APPL1: variants seen among roughly 807,000 people sequenced by gnomAD.
APPL1 encodes the protein adaptor protein, phosphotyrosine interacting with PH domain and leucine zipper 1.
APPL1 carries 42 observed loss-of-function variants against 106.8 expected under a neutral mutation model. That is an observed-to-expected ratio of 0.39 (90% CI 0.31 to 0.51). The LOEUF (loss-of-function observed/expected upper bound fraction) is 0.51. Ranked by LOEUF, APPL1 falls within the 20% of genes least tolerant of loss-of-function variation. The pLI is 0.75. For synonymous variants in APPL1, 263 were observed against 281.8 expected (o/e 0.93, Z 0.67); for missense variants, 769 against 858.2 (o/e 0.90, Z 1.30).
chr3:57,246,936 G>T (rs2060776967), intron 8 of APPL1, among the ~76,000 whole-genome samples: 1 of 150,550 alleles, frequency 6.6e-6, no homozygotes, highest in Non-Finnish European at 1.5e-5. Context: ...CTAGGAGGCT[G>T]AGGCTGCAGT....
At chr3:57,236,006 T>G (rs1035389192) in intron 2 of APPL1, among the ~76,000 whole-genome samples, 1 of 151,722 alleles carries the variant, frequency 6.6e-6, no homozygotes, top group African/African-American at 2.4e-5. Flanking sequence ...TCCCTAATCA[T>G]GCTTATTACA....
chr3:57,253,788 T>A (rs1441867028), intron 13 of APPL1, 50 bp downstream of exon 13: 16 of 1,353,990 alleles, frequency 1.2e-5, no homozygotes, highest in Non-Finnish European at 1.4e-5. Flanking sequence ...TGAGTAATTT[T>A]GTGGCTTACA....
At position 57,227,946 on chromosome 3, in the gene APPL1, C is replaced by A; in HGVS notation, c.54+9C>A. 1 of 1,432,894 alleles carries A rather than the reference C, an allele frequency of 7.0e-7. No homozygotes were observed. The highest frequency in any genetic ancestry group is 9.2e-7 in the Non-Finnish European group (1 of 1,084,362). The allele number at this position is 1,432,894 out of a possible 1,614,324, so 88.8% of individuals were successfully genotyped here. ...TGGAGGACAGCCCGCAGGTGAGGCG[C>A]GGGAGCTGGTGGGCGACGAGGGAGA... On this transcript the variant is annotated intron_variant, in intron 1 of 21. Transcript: ENST00000288266.
Position 57,257,000 on chromosome 3 carries a change from C to G in APPL1, c.1196C>G (p.Thr399Ser). 6.2e-7 allele frequency: 1 copy of G among 1,614,176 alleles called. No homozygotes were observed. Among genetic ancestry groups the G allele is most frequent in the South Asian group, 1.1e-5 (1 of 91,080 alleles). The part of the protein sequence containing the change: ...RVNQSALEAV[T>S]PSPSFQQRHE... ...AATCAATCAGCTCTGGAAGCTGTCA[C>G]TCCTTCCCCATCTTTCCAGCAGAGG... Residue 399 changes from threonine to serine, a missense_variant, in exon 14 of 22, where the codon ACT becomes AGT. Physicochemically the swap from Thr to Ser is moderately conservative, Grantham distance 58. Transcript: ENST00000288266.
At chr3:57,245,420 A>G (rs1484093388) in intron 7 of APPL1, among the ~76,000 whole-genome samples, 2 of 152,188 alleles carry the variant, frequency 1.3e-5, no homozygotes, top group East Asian at 3.8e-4. Context: ...TCAAAGTCAA[A>G]GACTAATGAC....
rs1013203882 is a variant in APPL1, at chr3:57,271,403, G to A, written c.*1716G>A. The A allele has an allele frequency of 2.0e-5, 3 of 152,582 alleles. No individual in the cohort carries two copies. The highest frequency in any genetic ancestry group is 7.2e-5 in the African/African-American group (3 of 41,444). 9.5% of individuals were successfully genotyped at this position (152,582 alleles called of 1,614,324 possible). On this transcript the variant is annotated 3_prime_UTR_variant, in exon 22 of 22. Transcript: ENST00000288266. ...ACTTTTGATAAAAAGTTTATTTTGT[G>A]CTTACCAAAAGGAATGCTTTCACAA...
chr3:57,265,828 T>C (rs2060891870), intron 19 of APPL1, among the ~76,000 whole-genome samples: 2 of 152,212 alleles, frequency 1.3e-5, no homozygotes, highest in African/African-American at 4.8e-5. Context: ...TAGCTGTGAG[T>C]CTGTCATATA....
Position 57,273,087 on chromosome 3 carries a change from A to G in APPL1, c.*3400A>G, listed in dbSNP as rs2060956709. On this transcript the variant is annotated 3_prime_UTR_variant, in exon 22 of 22. Coordinates refer to ENST00000288266, the MANE Select transcript of APPL1 (RefSeq NM_012096.3). ...CATAAAGATTTGAAACTGGAACTAT[A>G]TTATACTTTTTAACCAATCTCTGTG... 1 of 152,618 alleles carries G rather than the reference A, an allele frequency of 6.6e-6. No homozygotes were observed. Among genetic ancestry groups the G allele is most frequent in the Admixed American group, 6.5e-5 (1 of 15,284 alleles). 9.5% of individuals were successfully genotyped at this position (152,618 alleles called of 1,614,324 possible).
rs140757143 is a variant in APPL1, at chr3:57,273,277, G to A, written c.*3590G>A. 1 of 152,684 alleles carries A rather than the reference G, an allele frequency of 6.5e-6. No homozygotes were observed. The highest frequency in any genetic ancestry group is 1.5e-5 in the Non-Finnish European group (1 of 67,992). 9.5% of individuals were successfully genotyped at this position (152,684 alleles called of 1,614,324 possible). ...AGTGTACAATTCAAAATCATGCAATGTTTCACTTTAGAATTGGATTTGAAG... is the reference window on the plus strand; with the variant it reads ...AGTGTACAATTCAAAATCATGCAATATTTCACTTTAGAATTGGATTTGAAG... On this transcript the variant is annotated 3_prime_UTR_variant, in exon 22 of 22. Coordinates refer to ENST00000288266, the MANE Select transcript of APPL1 (RefSeq NM_012096.3).
Position 57,249,412 on chromosome 3 carries a change from G to A in APPL1, c.916G>A (p.Gly306Ser). The A allele has an allele frequency of 6.2e-7, 1 of 1,614,138 alleles. No homozygotes were observed. Among genetic ancestry groups the A allele is most frequent in the Non-Finnish European group, 8.5e-7 (1 of 1,180,030 alleles). Reference protein sequence around the residue: ...TWDRQFYFTQGGNLMSQARGD... With the variant: ...TWDRQFYFTQSGNLMSQARGD... The stretch of plus-strand genomic sequence containing the variant: ...GGACAGACAGTTTTACTTCACGCAG[G>A]GTGGAAATTTAATGAGTCAGGCCCG... Residue 306 changes from glycine (G) to serine (S), a missense_variant, in exon 11 of 22, where the codon GGT becomes AGT. Gly to Ser is a moderately conservative substitution (Grantham distance 56). Coordinates refer to ENST00000288266, the MANE Select transcript of APPL1 (RefSeq NM_012096.3).
In APPL1 at chr3:57,246,200, T is replaced by C; in HGVS notation, c.599T>C (p.Leu200Pro). Residue 200 changes from leucine to proline, a missense_variant, in exon 8 of 22, where the codon CTA (leucine) becomes CCA (proline). Transcript: ENST00000288266. ...YKKKIALLEP[L>P]LGYMQAQISF... ...AAGAAAATAGCATTGTTAGAACCTC[T>C]ACTTGGGTACATGCAAGCTCAGGTA... 1 of 1,603,582 alleles carries C rather than the reference T, an allele frequency of 6.2e-7. No homozygotes were observed. The highest frequency in any genetic ancestry group is 8.5e-7 in the Non-Finnish European group (1 of 1,176,824).
At chr3:57,264,795 ATG>A (rs199763677) in intron 19 of APPL1, among the ~76,000 whole-genome samples, 475 of 139,734 alleles carry the variant, frequency 3.4e-3, no homozygotes, top group African/African-American at 0.012. Context: ...GCACTGGTCT[ATG>A]TGTCTTTTTT....
chr3:57,249,258 T>C (rs2060790695), intron 10 of APPL1, 102 bp from the exon 11 acceptor site: 1 of 1,218,206 alleles, frequency 8.2e-7, no homozygotes, highest in Non-Finnish European at 1.2e-6. Context: ...TTGGTGCCTC[T>C]TCGCAAGCCA....
Position 57,267,754 on chromosome 3 carries a change from G to T in APPL1, c.1855G>T (p.Val619Phe), listed in dbSNP as rs199932677. 1.3e-5 allele frequency: 21 copies of T among 1,613,864 alleles called. No homozygotes were observed. In the Admixed American group the frequency reaches 1.8e-4, roughly 14 times the overall value. The change falls in exon 20 of 22, where the codon GTT becomes TTT. Residue 619 changes from valine (V) to phenylalanine (F), a missense_variant. By Grantham distance (50) the Val-to-Phe change is conservative. Coordinates refer to ENST00000288266, the MANE Select transcript of APPL1 (RefSeq NM_012096.3). ...TTTCTCTTTTTAGATATGTGATTCT[G>T]TTGGACTGGCAAAACAGATAGCTTT... ...NNEGEKICDS[V>F]GLAKQIALHA...
intron 1 of APPL1, among the ~76,000 whole-genome samples, chr3:57,232,459 T>A (rs1019508998): frequency 2.6e-5 from 4 of 152,158 alleles, no homozygotes; most frequent in African/African-American, 9.7e-5. Flanking sequence ...TCTCTCAGTG[T>A]TCAACTAACA....
At chr3:57,262,863 T>C (rs1424493268) in intron 19 of APPL1, among the ~76,000 whole-genome samples, 2 of 150,102 alleles carry the variant, frequency 1.3e-5, no homozygotes, top group Non-Finnish European at 3.0e-5. Context: ...TTTTTTTTTT[T>C]TTTTCCAGAT....
At chr3:57,260,416 TAAAAC>T (rs2060858963) in intron 18 of APPL1, 1 of 547,680 alleles carries the variant, frequency 1.8e-6, no homozygotes, top group Non-Finnish European at 3.0e-6. Flanking sequence ...TAATGACTAA[TAAAAC>T]AAATGTAATA....
At chr3:57,243,198 A>G (rs1272602196) in intron 7 of APPL1, among the ~76,000 whole-genome samples, 1 of 152,216 alleles carries the variant, frequency 6.6e-6, no homozygotes, top group Non-Finnish European at 1.5e-5. Flanking sequence ...TTGTATTTTG[A>G]TGACATGGCA....
intron 15 of APPL1, among the ~76,000 whole-genome samples, chr3:57,257,737 A>G (rs1003929799): frequency 2.6e-5 from 4 of 152,178 alleles, no homozygotes; most frequent in African/African-American, 9.6e-5. Context: ...GGTCATGACA[A>G]TTTTTAAAAA....
Sources: allele counts gnomAD v4.1 joint callset (sites outside exome capture counted in the v4.1 genomes callset), GRCh38; gene constraint gnomAD v4.1.1; transcripts MANE v1.5; gene names NCBI Gene and HGNC (gene_info 2026-07-23, HGNC 2026-07-21).